The following ZNF605 variants were observed in gnomAD, a reference collection of about 807,000 sequenced individuals.
The protein encoded by ZNF605 is zinc finger protein 605.
Under a neutral mutation model 7.9 loss-of-function variants are expected in ZNF605, and 9 were observed. That is an observed-to-expected ratio of 1.14 (90% confidence interval 0.68 to 1.98). The LOEUF (loss-of-function observed/expected upper bound fraction) is 1.98. ZNF605 is among the 30% of genes most tolerant of loss of function. The pLI, the probability that ZNF605 is intolerant of heterozygous loss-of-function variation, is 0.00. For synonymous variants in ZNF605, 255 were observed against 260.1 expected (o/e 0.98, Z 0.19); for missense variants, 673 against 762.4 (o/e 0.88, Z 1.38).
rs1041033712 is a variant in ZNF605 at position 132,941,713 on chromosome 12, G to C, written c.15+3908C>G. Among the ~76,000 whole-genome samples the C allele has an allele frequency of 6.6e-6, 1 of 152,304 alleles. No individual in the cohort carries two copies. The highest frequency in any genetic ancestry group is 6.5e-5 in the Admixed American group (1 of 15,288). ...AGGCCTCACGCAGCCGTTCCCCGCA[G>C]GGCACTTCCCACGGGTACCTCCAGG... On this transcript the variant is annotated intron_variant, in intron 3 of 4. Transcript: ENST00000360187. The surrounding 1 kb of genome is among the most constrained non-coding windows in gnomAD (Gnocchi z 5.1).
In ZNF605 at chr12:132,922,205, T is replaced by C. The variant is rs911353229; in HGVS notation, c.*3168A>G. ...AAGTATGGGACATCATTCCCGTCTT[T>C]CTTCACTCAGTAACTGATTATCTTG... is the stretch of plus-strand genomic sequence containing the variant. On this transcript the variant is annotated 3_prime_UTR_variant, in exon 5 of 5. Coordinates refer to ENST00000360187, the MANE Select transcript of ZNF605 (RefSeq NM_183238.4). 8 of 152,214 alleles carry C rather than the reference T, an allele frequency of 5.3e-5. No homozygotes were observed. Among genetic ancestry groups the C allele is most frequent in the African/African-American group, 1.7e-4 (7 of 41,458 alleles). The allele number at this position is 152,214 out of a possible 1,614,324, so 9.4% of individuals were successfully genotyped here. A position where few individuals can be genotyped will look rare whatever the true frequency, so the allele number is the denominator to read the frequency against.
chr12:132,948,899 G>A lies in ZNF605; in HGVS notation c.-285-629C>T, dbSNP rs200649795. Among the ~76,000 whole-genome samples, 64 of 152,120 alleles carry A rather than the reference G, an allele frequency of 4.2e-4. 2 individuals carry two copies. The East Asian group carries it at 0.011, about 26-fold the overall frequency. On this transcript the variant is annotated intron_variant, in intron 1 of 4. Coordinates refer to ENST00000360187, the MANE Select transcript of ZNF605 (RefSeq NM_183238.4). The stretch of plus-strand genomic sequence containing the variant: ...GCCACACCTGCAGGGCCCAGGAGGC[G>A]GGGACCAGTGTAGCTCACGCCTGGC...
intron 3 of ZNF605, among the ~76,000 whole-genome samples, chr12:132,940,947 G>A (rs966759298): frequency 5.4e-5 from 8 of 147,214 alleles, no homozygotes; most frequent in African/African-American, 1.2e-4. Context: ...TCGTGTCCAC[G>A]TGTACCCAGT....
chr12:132,954,246 C>A (rs1279405686), intron 1 of ZNF605, among the ~76,000 whole-genome samples: 1 of 148,558 alleles, frequency 6.7e-6, no homozygotes, highest in East Asian at 2.0e-4. Flanking sequence ...CCAGCACCCC[C>A]AAAGCCCCAC....
chr12:132,931,339 C>A (rs1341253450), intron 4 of ZNF605, among the ~76,000 whole-genome samples: 1 of 152,130 alleles, frequency 6.6e-6, no homozygotes, highest in Admixed American at 6.5e-5. Context: ...ACAGAGAACA[C>A]AGACTACGTT....
At chr12:132,949,827 G>A (rs2137161987) in intron 1 of ZNF605, among the ~76,000 whole-genome samples, 1 of 152,312 alleles carries the variant, frequency 6.6e-6, no homozygotes, top group Non-Finnish European at 1.5e-5. Context: ...TCCTAGAAAT[G>A]GCGGGAAAGG....
chr12:132,940,816 G>A (rs1952428682), intron 3 of ZNF605, among the ~76,000 whole-genome samples: 2 of 152,110 alleles, frequency 1.3e-5, no homozygotes, highest in African/African-American at 2.4e-5. Flanking sequence ...ACTGCGTAAT[G>A]CTGAGGTTTG....
chr12:132,925,988 T>A lies in ZNF605; in HGVS notation c.1311A>T (p.Leu437=). The change falls in exon 5 of 5, where the codon CTA becomes CTT. Residue 437 remains leucine, a synonymous_variant. Transcript: ENST00000360187. The stretch of plus-strand genomic sequence containing the variant: ...CCCCAGTGTGTGTTCTGTGATGCGT[T>A]AGGAGCTGGGACTTCCCAAAGAAGG... ...GKTFFGKSQL[L]THHRTHTGEK... 1 of 1,614,174 alleles carries A rather than the reference T, an allele frequency of 6.2e-7. No homozygotes were observed. Among genetic ancestry groups the A allele is most frequent in the African/African-American group, 1.3e-5 (1 of 75,044 alleles).
chr12:132,949,220 G>C (rs866706461), intron 1 of ZNF605, among the ~76,000 whole-genome samples: 30 of 152,164 alleles, frequency 2.0e-4, no homozygotes, highest in Non-Finnish European at 2.4e-4. Flanking sequence ...GAAGCCAGAC[G>C]TGCAGGCTCC....
intron 3 of ZNF605, among the ~76,000 whole-genome samples, chr12:132,935,757 G>T (rs1328922536): frequency 1.3e-5 from 2 of 151,888 alleles, no homozygotes; most frequent in African/African-American, 4.8e-5. Context: ...GCCGGGCATG[G>T]TGGTGGGCGC....
chr12:132,926,743 T>A lies in ZNF605; in HGVS notation c.556A>T (p.Ile186Leu). 6 of 1,614,038 alleles carry A rather than the reference T, an allele frequency of 3.7e-6. No homozygotes were observed. Among genetic ancestry groups the A allele is most frequent in the Non-Finnish European group, 5.1e-6 (6 of 1,179,880 alleles). Residue 186 changes from isoleucine to leucine, a missense_variant, in exon 5 of 5, where the codon ATA becomes TTA. Transcript: ENST00000360187. The stretch of plus-strand genomic sequence containing the variant: ...TCTCCTGTATGAGTTCTCTGGTGTA[T>A]AACAAGTTGTGACTTCTTGTTAAAA... ...RFFNKKSQLV[I>L]HQRTHTGEKP...
In ZNF605 at chr12:132,933,590, G is replaced by A. The variant is rs1161980727; in HGVS notation, c.16-435C>T. Among the ~76,000 whole-genome samples the A allele has an allele frequency of 6.6e-6, 1 of 152,124 alleles. No homozygotes were observed. The highest frequency in any genetic ancestry group is 2.4e-5 in the African/African-American group (1 of 41,422). ...CTGCATCATGTGAGACCCTCAACCAGAACCAACTGGGCAAGTACCTGGCAG... is the reference window on the plus strand; with the variant it reads ...CTGCATCATGTGAGACCCTCAACCAAAACCAACTGGGCAAGTACCTGGCAG... On this transcript the variant is annotated intron_variant, in intron 3 of 4. Coordinates refer to ENST00000360187, the MANE Select transcript of ZNF605 (RefSeq NM_183238.4). This position sits in a 1 kb window ranked among gnomAD's most constrained non-coding sequence, Gnocchi z 4.4.
intron 3 of ZNF605, among the ~76,000 whole-genome samples, chr12:132,942,978 A>T (rs114064815): frequency 6.6e-6 from 1 of 151,980 alleles, no homozygotes; most frequent in Non-Finnish European, 1.5e-5. Context: ...TCAAAGTCTG[A>T]CCTATTGGGG....
chr12:132,925,630 C>T lies in ZNF605; in HGVS notation c.1669G>A (p.Gly557Arg). ...QLIKHQRNHT[G>R]EKTYGCSDCA... ...TCGCTGCATCCATAGGTTTTCTCTCCTGTGTGATTTCTTTGATGCTTAATG... is the reference window on the plus strand; with the variant it reads ...TCGCTGCATCCATAGGTTTTCTCTCTTGTGTGATTTCTTTGATGCTTAATG... The change falls in exon 5 of 5, where the codon GGA becomes AGA. Residue 557 changes from glycine to arginine, a missense_variant. Coordinates refer to ENST00000360187, the MANE Select transcript of ZNF605 (RefSeq NM_183238.4). 6.2e-7 allele frequency: 1 copy of T among 1,614,170 alleles called. No homozygotes were observed. Among genetic ancestry groups the T allele is most frequent in the Non-Finnish European group, 8.5e-7 (1 of 1,180,020 alleles).
intron 4 of ZNF605, among the ~76,000 whole-genome samples, chr12:132,929,055 C>G (rs1952278428): frequency 1.3e-5 from 2 of 151,780 alleles, no homozygotes; most frequent in East Asian, 3.9e-4. Context: ...AAAAAAACCC[C>G]AAAAACTACT....
intron 4 of ZNF605, among the ~76,000 whole-genome samples, chr12:132,929,039 C>CAA (rs1175898358): frequency 0.16 from 4,088 of 25,978 alleles, 91 homozygotes; most frequent in Non-Finnish European, 0.41. Flanking sequence ...CAAAACAAAA[C>CAA]AAAACAAAAA....
At chr12:132,948,062 G>C (rs1952512496) in intron 2 of ZNF605, 86 bp downstream of exon 2, 1 of 152,090 alleles carries the variant, frequency 6.6e-6, no homozygotes, top group Non-Finnish European at 1.5e-5. Context: ...ACCATCTTAG[G>C]CAGAAGATGG....
intron 1 of ZNF605, among the ~76,000 whole-genome samples, chr12:132,955,468 GGCAAGC>G (rs1386820701): frequency 6.6e-6 from 1 of 152,202 alleles, no homozygotes; most frequent in Non-Finnish European, 1.5e-5. Context: ...TCACCGATGA[GGCAAGC>G]GACGGCAACG....
In ZNF605 at chr12:132,932,777, C is replaced by T. The variant is rs954907541; in HGVS notation, c.136+258G>A. Reference sequence around the variant, plus strand: ...ATGGATCTTGTTGTTCCAGTTTGAACATTGCATCAGGTTTGAGAATTTGAA... The same window carrying T: ...ATGGATCTTGTTGTTCCAGTTTGAATATTGCATCAGGTTTGAGAATTTGAA... On this transcript the variant is annotated intron_variant, in intron 4 of 4. Coordinates refer to ENST00000360187, the MANE Select transcript of ZNF605 (RefSeq NM_183238.4). 2.5e-4 allele frequency: 379 copies of T among 1,536,462 alleles called. 2 individuals carry two copies. The East Asian group carries it at 4.1e-3, about 17-fold the overall frequency.
Sources: allele counts gnomAD v4.1 joint callset (sites outside exome capture counted in the v4.1 genomes callset), GRCh38; gene constraint gnomAD v4.1.1; non-coding constraint Gnocchi (gnomAD v3.1); transcripts MANE v1.5; gene names NCBI Gene and HGNC (gene_info 2026-07-23, HGNC 2026-07-21).